BMP6: variants seen among roughly 807,000 people sequenced by gnomAD.
BMP6 encodes the protein VG-1-R.
In BMP6, 17 loss-of-function variants were observed where a neutral mutation model predicts 54.1. The observed-to-expected ratio is 0.31, with a 90% CI of 0.22 to 0.47. The LOEUF is 0.47. Ranked by LOEUF, BMP6 falls within the 20% of genes least tolerant of loss-of-function variation. BMP6 has a pLI of 1.00. For synonymous variants in BMP6, 328 were observed against 291.2 expected, an observed-to-expected ratio of 1.13 and a Z score of -1.28; for missense variants, 720 against 690.4, an observed-to-expected ratio of 1.04 and a Z score of -0.48.
At chr6:7,765,082 A>G (rs1477070187) in intron 1 of BMP6, among the ~76,000 whole-genome samples, 1 of 152,126 alleles carries the variant, frequency 6.6e-6, no homozygotes. Flanking sequence ...CCCTGCTCCC[A>G]CTTGCAGTGT....
chr6:7,783,704 T>C (rs371605786), intron 1 of BMP6, among the ~76,000 whole-genome samples: 1 of 152,246 alleles, frequency 6.6e-6, no homozygotes, highest in African/African-American at 2.4e-5. Flanking sequence ...TATGTACATA[T>C]TGTTTTCTGA....
At chr6:7,851,308 C>T (rs544927079) in intron 2 of BMP6, among the ~76,000 whole-genome samples, 8 of 152,154 alleles carry the variant, frequency 5.3e-5, no homozygotes, top group African/African-American at 1.9e-4. Context: ...TTTTGTATGT[C>T]TTGAACATTT....
chr6:7,870,562 A>G (rs1759507819), intron 4 of BMP6, among the ~76,000 whole-genome samples: 2 of 152,086 alleles, frequency 1.3e-5, no homozygotes, highest in Non-Finnish European at 2.9e-5. Flanking sequence ...CAGATCATGG[A>G]GAGTCTTGCT....
chr6:7,840,820 T>C (rs1390142675), intron 1 of BMP6, among the ~76,000 whole-genome samples: 1 of 152,170 alleles, frequency 6.6e-6, no homozygotes, highest in Non-Finnish European at 1.5e-5. Context: ...CTAGGAATTA[T>C]TGCCTCAGAG....
At chr6:7,794,635 G>A (rs557280026) in intron 1 of BMP6, among the ~76,000 whole-genome samples, 1 of 149,988 alleles carries the variant, frequency 6.7e-6, no homozygotes, top group East Asian at 2.0e-4. Context: ...GAAGAAGAAT[G>A]TAAAGGGTAT....
At chr6:7,817,516 T>C (rs942595494) in intron 1 of BMP6, among the ~76,000 whole-genome samples, 3 of 143,020 alleles carry the variant, frequency 2.1e-5, no homozygotes, top group South Asian at 2.2e-4. Context: ...TAGGTGGGAA[T>C]TGAACAATGA....
intron 2 of BMP6, among the ~76,000 whole-genome samples, chr6:7,857,293 C>T (rs937488515): frequency 2.0e-5 from 3 of 152,192 alleles, no homozygotes; most frequent in Non-Finnish European, 2.9e-5. Context: ...TTAAGAACCT[C>T]ATTTGCCCAG....
At chr6:7,839,297 C>T (rs75668499) in intron 1 of BMP6, among the ~76,000 whole-genome samples, 10,914 of 152,250 alleles carry the variant, frequency 0.072, 630 homozygotes, top group African/African-American at 0.16. Context: ...CCCAAGGGGC[C>T]GGGACTACAG....
At chr6:7,779,904 T>C (rs1326244337) in intron 1 of BMP6, among the ~76,000 whole-genome samples, 2 of 152,120 alleles carry the variant, frequency 1.3e-5, no homozygotes, top group African/African-American at 2.4e-5. Flanking sequence ...CTGTGTCTTT[T>C]TGTGGTGTCT....
At chr6:7,729,381 C>T (rs270417) in intron 1 of BMP6, among the ~76,000 whole-genome samples, 117,338 of 149,220 alleles carry the variant, frequency 0.79, 46,642 homozygotes, top group East Asian at 0.96. Context: ...TTTATTGCCT[C>T]TTGGGGGTAG....
intron 4 of BMP6, among the ~76,000 whole-genome samples, chr6:7,867,819 A>G (rs1437061740): frequency 2.0e-5 from 3 of 152,254 alleles, no homozygotes; most frequent in African/African-American, 7.2e-5. Context: ...CTTCACTTCT[A>G]TCATGCACAA....
chr6:7,804,066 A>G (rs1356711625), intron 1 of BMP6, among the ~76,000 whole-genome samples: 2 of 152,210 alleles, frequency 1.3e-5, no homozygotes, highest in Non-Finnish European at 2.9e-5. Context: ...AAATGAGAGG[A>G]AAATGTGCAG....
At chr6:7,843,467 A>C (rs1267009005) in intron 1 of BMP6, among the ~76,000 whole-genome samples, 1 of 150,576 alleles carries the variant, frequency 6.6e-6, no homozygotes, top group Non-Finnish European at 1.5e-5. Flanking sequence ...TAAGAAGCTA[A>C]ATCTCCAAAG....
At chr6:7,733,792 G>T (rs982354111) in intron 1 of BMP6, among the ~76,000 whole-genome samples, 1 of 152,194 alleles carries the variant, frequency 6.6e-6, no homozygotes, top group African/African-American at 2.4e-5. Flanking sequence ...AAACGTGTGA[G>T]TCGGAAAACG....
chr6:7,727,109 C>A lies in BMP6; in HGVS notation c.154C>A (p.Arg52Ser). The A allele has an allele frequency of 7.0e-7, 1 of 1,436,244 alleles. No homozygotes were observed. Among genetic ancestry groups the A allele is most frequent in the Non-Finnish European group, 9.2e-7 (1 of 1,092,232 alleles). The allele number at this position is 1,436,244 out of a possible 1,614,324, so 89.0% of individuals were successfully genotyped here. ...QLLGDGGSPG[R>S]TEQPPPSPQS... ...GCTGGGGGACGGCGGGAGCCCCGGC[C>A]GCACGGAGCAGCCGCCGCCGTCGCC... is the stretch of plus-strand genomic sequence containing the variant. The change falls in exon 1 of 7, where the codon CGC becomes AGC. Residue 52 changes from arginine to serine, a missense_variant. Arg to Ser is a moderately radical substitution (Grantham distance 110). Transcript: ENST00000283147.
chr6:7,880,153 G>T (rs750769240), intron 6 of BMP6, 41 bp from the exon 7 acceptor site: 1 of 1,614,024 alleles, frequency 6.2e-7, no homozygotes, highest in Non-Finnish European at 8.5e-7. Context: ...AAGACCAGGT[G>T]TCATTTCTAA....
chr6:7,860,856 G>GA (rs1402658309), intron 2 of BMP6, among the ~76,000 whole-genome samples: 4 of 151,954 alleles, frequency 2.6e-5, no homozygotes, highest in African/African-American at 4.8e-5. Context: ...TTCAAAACAA[G>GA]AAAAAATGAG....
chr6:7,789,980 G>A (rs76997424), intron 1 of BMP6, among the ~76,000 whole-genome samples: 14,980 of 152,130 alleles, frequency 0.098, 916 homozygotes, highest in African/African-American at 0.18. Flanking sequence ...GTCTGCTGCA[G>A]GAGCAGGCTG....
chr6:7,730,427 G>T (rs2113101486), intron 1 of BMP6, among the ~76,000 whole-genome samples: 1 of 152,294 alleles, frequency 6.6e-6, no homozygotes, highest in South Asian at 2.1e-4. Context: ...TCTATCCCAA[G>T]CCCCTCATAT....
Sources: gnomAD v4.1 joint callset for allele counts (sites outside exome capture counted in the v4.1 genomes callset) on GRCh38, gnomAD v4.1.1 for gene constraint, MANE v1.5 for transcripts, NCBI Gene and HGNC (gene_info 2026-07-23, HGNC 2026-07-21) for gene names.